Variants in RTTN observed in about 807,000 individuals in gnomAD.
The protein encoded by RTTN is rotatin.
In RTTN, 182 loss-of-function variants were observed where a neutral mutation model predicts 269.2. The observed-to-expected ratio is 0.68, with a 90% CI of 0.60 to 0.76. The LOEUF is 0.76. RTTN is among the 30% of genes least tolerant of loss of function. The pLI is 0.00. For missense variants in RTTN, 2,545 were observed against 2,608.6 expected, an observed-to-expected ratio of 0.98 and a Z score of 0.53; for synonymous variants, 1,006 against 963.5, an observed-to-expected ratio of 1.04 and a Z score of -0.82.
chr18:70,020,512 C>T lies in RTTN; in HGVS notation c.6153+103G>A, dbSNP rs1192648749. The T allele has an allele frequency of 7.7e-6, 9 of 1,167,030 alleles. No individual in the cohort carries two copies. In the East Asian group the frequency reaches 1.9e-4, roughly 24 times the overall value. The allele number at this position is 1,167,030 out of a possible 1,614,324, so 72.3% of individuals were successfully genotyped here. On this transcript the variant is annotated intron_variant, in intron 45 of 48. Coordinates refer to ENST00000640769, the MANE Select transcript of RTTN (RefSeq NM_173630.4). The stretch of plus-strand genomic sequence containing the variant: ...TTTATAATCCTTTAAAATAAAATGC[C>T]TCAAAATCATAATAATCTTAGAAAT...
At position 70,076,677 on chromosome 18, in the gene RTTN, C is replaced by T. The variant is rs116571585; in HGVS notation, c.4375-1136G>A. On this transcript the variant is annotated intron_variant, in intron 32 of 48. Coordinates refer to ENST00000640769, the MANE Select transcript of RTTN (RefSeq NM_173630.4). ...ACACTGTGAGCTTACTCGTCCTAAA[C>T]AGAGCAATTTATATAAGAAATAAGA... Among the ~76,000 whole-genome samples, 687 of 152,080 alleles carry T rather than the reference C, an allele frequency of 4.5e-3. 6 individuals carry two copies. The highest frequency in any genetic ancestry group is 0.016 in the African/African-American group (649 of 41,536).
At chr18:70,160,095 C>T (rs1458141489) in intron 14 of RTTN, among the ~76,000 whole-genome samples, 3 of 152,104 alleles carry the variant, frequency 2.0e-5, no homozygotes, top group African/African-American at 7.2e-5. Flanking sequence ...AGGCCAGCAT[C>T]ATCCTGATAC....
At chr18:70,111,386 C>G (rs545154290) in intron 27 of RTTN, among the ~76,000 whole-genome samples, 2 of 152,182 alleles carry the variant, frequency 1.3e-5, no homozygotes, top group African/African-American at 4.8e-5. Flanking sequence ...CTTTGCTGTT[C>G]TGCAGCCTCC....
At chr18:70,087,955 TTC>T in intron 31 of RTTN, 32 bp downstream of exon 31, 1 of 1,604,194 alleles carries the variant, frequency 6.2e-7, no homozygotes, top group Non-Finnish European at 8.5e-7. Flanking sequence ...CACAAAGAAT[TTC>T]TAAGGAAAAA....
chr18:70,173,136 T>G (rs987179006), intron 11 of RTTN, among the ~76,000 whole-genome samples: 14 of 152,164 alleles, frequency 9.2e-5, no homozygotes, highest in Non-Finnish European at 1.9e-4. Flanking sequence ...ATATTTAAAA[T>G]GCAGTGTTTT....
At position 70,017,387 on chromosome 18, in the gene RTTN, A is replaced by ATG; in HGVS notation, c.6421+18_6421+19dup. The stretch of plus-strand genomic sequence containing the variant: ...TATGAATAACTACATATATAAATGT[A>ATG]TGTGTGTGTGAAAACTTACCATTAG... On this transcript the variant is annotated intron_variant, in intron 46 of 48. Transcript: ENST00000640769. The ATG allele has an allele frequency of 2.5e-6, 4 of 1,603,114 alleles. No homozygotes were observed. Among genetic ancestry groups the ATG allele is most frequent in the Non-Finnish European group, 3.4e-6 (4 of 1,171,086 alleles).
At chr18:70,161,200 T>C (rs961772318) in intron 14 of RTTN, among the ~76,000 whole-genome samples, 1 of 152,082 alleles carries the variant, frequency 6.6e-6, no homozygotes, top group African/African-American at 2.4e-5. Flanking sequence ...GCCAGACACC[T>C]ACAACCATCT....
Position 70,188,081 on chromosome 18 carries a change from T to C in RTTN, c.1305+27A>G, listed in dbSNP as rs1258194240. 3 of 1,297,906 alleles carry C rather than the reference T, an allele frequency of 2.3e-6. No homozygotes were observed. The African/African-American group carries it at 4.4e-5, about 19-fold the overall frequency. The allele number at this position is 1,297,906 out of a possible 1,614,324, so 80.4% of individuals were successfully genotyped here. On this transcript the variant is annotated intron_variant, in intron 10 of 48. Coordinates refer to ENST00000640769, the MANE Select transcript of RTTN (RefSeq NM_173630.4). ...AAATCTTAAAAAATACTATTCCCTATATCCCAAAGAAAACATTGATTCTTA... is the reference window on the plus strand; with the variant it reads ...AAATCTTAAAAAATACTATTCCCTACATCCCAAAGAAAACATTGATTCTTA...
chr18:70,163,069 T>TAAAAAAAAAAAAAAAAAAAAAAA (rs10559303), intron 14 of RTTN, among the ~76,000 whole-genome samples: 2 of 56,984 alleles, frequency 3.5e-5, no homozygotes, highest in African/African-American at 7.1e-5. Flanking sequence ...TTACTATTAT[T>TAAAAAAAAAAAAAAAAAAAAAAA]AAAAAAAAAA....
At chr18:70,157,364 T>C (rs1206238614) in intron 14 of RTTN, among the ~76,000 whole-genome samples, 1 of 152,222 alleles carries the variant, frequency 6.6e-6, no homozygotes, top group Non-Finnish European at 1.5e-5. Context: ...AGCTGAGCTC[T>C]GGCCCTGAAA....
chr18:70,145,768 T>C lies in RTTN; in HGVS notation c.2325A>G (p.Ala775=), dbSNP rs765283284. The C allele has an allele frequency of 1.2e-6, 2 of 1,610,586 alleles. No homozygotes were observed. Among genetic ancestry groups the C allele is most frequent in the South Asian group, 1.1e-5 (1 of 89,982 alleles). Reference sequence around the variant, plus strand: ...TAAGATGGAATGCTAAAAGCTTTAATGCTAGCGAACGGACCCTGAGAACAC... The same window carrying C: ...TAAGATGGAATGCTAAAAGCTTTAACGCTAGCGAACGGACCCTGAGAACAC... ...LVKKPSVRSL[A]LKLLAFHLTS... Residue 775 remains alanine, a synonymous_variant, in exon 18 of 49, where the codon GCA becomes GCG. Coordinates refer to ENST00000640769, the MANE Select transcript of RTTN (RefSeq NM_173630.4).
chr18:70,138,959 A>T (rs749757699), intron 21 of RTTN: 12 of 151,142 alleles, frequency 7.9e-5, no homozygotes, highest in Non-Finnish European at 1.6e-4. Context: ...TAAGTCTCTA[A>T]GAAAAAAAAT....
At position 70,057,821 on chromosome 18, in the gene RTTN, G is replaced by T. The variant is rs946701866; in HGVS notation, c.4952C>A (p.Ala1651Asp). The change falls in exon 37 of 49, where the codon GCT (alanine) becomes GAT (aspartate). Residue 1651 changes from alanine to aspartate, a missense_variant. Physicochemically the swap from Ala to Asp is moderately radical, Grantham distance 126. Transcript: ENST00000640769. ...LIELLCSIAD[A>D]TLIQTCVQEL... Reference sequence around the variant, plus strand: ...CTGGACACATGTCTGTATGAGGGTAGCATCTGCAATGCTGTGACGATCAGA... The same window carrying T: ...CTGGACACATGTCTGTATGAGGGTATCATCTGCAATGCTGTGACGATCAGA... 1 of 1,612,906 alleles carries T rather than the reference G, an allele frequency of 6.2e-7. No individual in the cohort carries two copies. The highest frequency in any genetic ancestry group is 1.3e-5 in the African/African-American group (1 of 74,884).
At chr18:70,201,606 T>G (rs1249518063) in intron 4 of RTTN, among the ~76,000 whole-genome samples, 1 of 7,508 alleles carries the variant, frequency 1.3e-4, no homozygotes, top group Admixed American at 5.0e-3. Flanking sequence ...AGACTCCATC[T>G]CAAAAAAAAA....
intron 11 of RTTN, among the ~76,000 whole-genome samples, chr18:70,175,840 A>G (rs1228824959): frequency 1.3e-5 from 2 of 152,152 alleles, no homozygotes; most frequent in African/African-American, 4.8e-5. Flanking sequence ...CTATAAAATA[A>G]TTTCTGGAGC....
Position 70,140,974 on chromosome 18 carries a change from T to G in RTTN, c.2582-786A>C, listed in dbSNP as rs535583543. Among the ~76,000 whole-genome samples, 82 of 152,136 alleles carry G rather than the reference T, an allele frequency of 5.4e-4. 1 individual carries two copies. Among genetic ancestry groups the G allele is most frequent in the African/African-American group, 1.9e-3 (80 of 41,528 alleles). On this transcript the variant is annotated intron_variant, in intron 19 of 48. Coordinates refer to ENST00000640769, the MANE Select transcript of RTTN (RefSeq NM_173630.4). ...AGCTATCATTGTAACAATCTTTAGC[T>G]GCTACTTAAAAAAAAAAATTTCCAT...
chr18:70,039,752 C>A (rs372081848), intron 40 of RTTN, among the ~76,000 whole-genome samples: 1 of 152,036 alleles, frequency 6.6e-6, no homozygotes. Context: ...ATAACTACAG[C>A]AACTTTTTAA....
chr18:70,123,251 A>G (rs1050924305), intron 25 of RTTN, among the ~76,000 whole-genome samples: 6 of 152,114 alleles, frequency 3.9e-5, no homozygotes, highest in African/African-American at 1.4e-4. Flanking sequence ...TTAGGATACA[A>G]TGTGGTGTTC....
intron 14 of RTTN, among the ~76,000 whole-genome samples, chr18:70,151,851 C>T (rs2060546796): frequency 6.6e-6 from 1 of 152,110 alleles, no homozygotes; most frequent in Admixed American, 6.5e-5. Context: ...GTCTATGGCC[C>T]TGGCTTTCTC....
Sources: gnomAD v4.1 joint callset for allele counts (sites outside exome capture counted in the v4.1 genomes callset) on GRCh38, gnomAD v4.1.1 for gene constraint, MANE v1.5 for transcripts, NCBI Gene and HGNC (gene_info 2026-07-23, HGNC 2026-07-21) for gene names.